The following RPL26L1 variants were observed in gnomAD, a reference collection of about 807,000 sequenced individuals.
The protein encoded by RPL26L1 is ribosomal protein uL24-like.
Under a neutral mutation model 15.2 loss-of-function variants are expected in RPL26L1, and 8 were observed. The observed-to-expected ratio is 0.53, with a 90% CI of 0.31 to 0.95. The LOEUF (loss-of-function observed/expected upper bound fraction) is 0.95, where lower values mean the gene tolerates loss of function less well. RPL26L1 is among the 40% of genes least tolerant of loss of function. The pLI is 0.05. For missense variants in RPL26L1, 146 were observed against 190.9 expected (o/e 0.76, Z 1.39); for synonymous variants, 51 against 65.9 (o/e 0.77, Z 1.09).
chr5:172,965,005 G>A (rs1309577068), intron 2 of RPL26L1, among the ~76,000 whole-genome samples: 1 of 152,176 alleles, frequency 6.6e-6, no homozygotes, highest in African/African-American at 2.4e-5. Flanking sequence ...CCAACATGGC[G>A]AAATTCCGTC....
chr5:172,967,198 C>T (rs1755490870), intron 2 of RPL26L1, among the ~76,000 whole-genome samples: 1 of 150,192 alleles, frequency 6.7e-6, no homozygotes, highest in Non-Finnish European at 1.5e-5. Context: ...GGCATGGTGG[C>T]TCACACCTGT....
At chr5:172,957,156 G>T (rs181260633), upstream of RPL26L1, 247 of 455,952 alleles carry the variant, frequency 5.4e-4, 6 homozygotes, top group East Asian at 0.01. Context: ...AGACTCACCA[G>T]ACACTTCCTC....
At chr5:172,959,506 T>C in intron 1 of RPL26L1, 38 bp downstream of exon 1, 1 of 1,075,974 alleles carries the variant, frequency 9.3e-7, no homozygotes, top group Non-Finnish European at 1.1e-6. Context: ...CAGTGAACTC[T>C]ACCGCCCCGT....
chr5:172,966,127 A>T (rs61613762), intron 2 of RPL26L1, among the ~76,000 whole-genome samples: 98,830 of 151,570 alleles, frequency 0.65, 36,045 homozygotes, highest in Non-Finnish European at 0.81. Flanking sequence ...CTTTTTAAAA[A>T]TTTTTTAAAT....
At position 172,968,803 on chromosome 5, in the gene RPL26L1, C is replaced by CTTTTTTTTTTTTTT. The variant is rs539398008; in HGVS notation, c.309+214_309+227dup. 4.0e-5 allele frequency among the ~76,000 whole-genome samples: 3 copies of CTTTTTTTTTTTTTT among 74,366 alleles called. 1 individual carries two copies. Among genetic ancestry groups the CTTTTTTTTTTTTTT allele is most frequent in the African/African-American group, 1.7e-4 (3 of 17,936 alleles). 48.8% of individuals were successfully genotyped at this position (74,366 alleles called of 152,430 possible). A position where few individuals can be genotyped will look rare whatever the true frequency, so the allele number is the denominator to read the frequency against. ...TTGCCTTTCTTGGTGATGGCTGTGT[C>CTTTTTTTTTTTTTT]TTTTTTTTTTTTTTTTTTTTTTTGA... On this transcript the variant is annotated intron_variant, in intron 3 of 3. Coordinates refer to ENST00000265100, the MANE Select transcript of RPL26L1 (RefSeq NM_016093.4).
chr5:172,959,897 C>T lies in RPL26L1; in HGVS notation c.24C>T (p.Thr8=), dbSNP rs758707479. Reference sequence around the variant, plus strand: ...CCATGAAGTTCAATCCCTTCGTTACCTCGGACCGCAGTAAAAACCGCAAAC... The same window carrying T: ...CCATGAAGTTCAATCCCTTCGTTACTTCGGACCGCAGTAAAAACCGCAAAC... MKFNPFV[T]SDRSKNRKRH... The change falls in exon 2 of 4, where the codon ACC becomes ACT. Residue 8 remains threonine, a synonymous_variant. Coordinates refer to ENST00000265100, the MANE Select transcript of RPL26L1 (RefSeq NM_016093.4). 1.9e-6 allele frequency: 3 copies of T among 1,614,140 alleles called. No homozygotes were observed. The highest frequency in any genetic ancestry group is 1.1e-5 in the South Asian group (1 of 91,080).
At chr5:172,958,161 G>A (rs1755044576), upstream of RPL26L1, 1 of 347,234 alleles carries the variant, frequency 2.9e-6, no homozygotes, top group Non-Finnish European at 5.7e-6. Flanking sequence ...ATACTGGGGA[G>A]GCTGAGGCAG....
chr5:172,964,281 CTTTTTTT>C, intron 2 of RPL26L1, among the ~76,000 whole-genome samples: 1 of 99,234 alleles, frequency 1.0e-5, no homozygotes, highest in East Asian at 2.9e-4. Flanking sequence ...GGCCTGTTGC[CTTTTTTT>C]TTTTTTTTTT....
chr5:172,967,150 G>A (rs957314665), intron 2 of RPL26L1, among the ~76,000 whole-genome samples: 6 of 149,192 alleles, frequency 4.0e-5, no homozygotes, highest in Non-Finnish European at 8.9e-5. Context: ...CACCGTGCCC[G>A]GCCCCCATGC....
upstream of RPL26L1, chr5:172,954,848 T>C (rs551215637): frequency 9.2e-6 from 4 of 433,396 alleles, no homozygotes; most frequent in South Asian, 6.4e-5. Flanking sequence ...TCTAACCAGA[T>C]GTGGATTACA....
chr5:172,958,817 C>G (rs952263532), upstream of RPL26L1: 91 of 72,188 alleles, frequency 1.3e-3, no homozygotes, highest in African/African-American at 2.8e-3. Context: ...CGCGGAGCGG[C>G]CGGAGTGGGC....
rs1755612507 is a variant in RPL26L1, at chr5:172,969,609, T to C, written c.*68T>C. Reference sequence around the variant, plus strand: ...GGCTAGGGTGTGTTTCTTTCGAACTTTTCGGAATGTCTGGAACATTTCATT... The same window carrying C: ...GGCTAGGGTGTGTTTCTTTCGAACTCTTCGGAATGTCTGGAACATTTCATT... On this transcript the variant is annotated 3_prime_UTR_variant, in exon 4 of 4. Coordinates refer to ENST00000265100, the MANE Select transcript of RPL26L1 (RefSeq NM_016093.4). 3 of 1,491,836 alleles carry C rather than the reference T, an allele frequency of 2.0e-6. No homozygotes were observed. The highest frequency in any genetic ancestry group is 2.7e-6 in the Non-Finnish European group (3 of 1,096,294). The allele number at this position is 1,491,836 out of a possible 1,614,324, so 92.4% of individuals were successfully genotyped here.
At chr5:172,962,465 G>T (rs541298778) in intron 2 of RPL26L1, among the ~76,000 whole-genome samples, 23 of 152,056 alleles carry the variant, frequency 1.5e-4, no homozygotes, top group African/African-American at 5.5e-4. Context: ...CCGAGATTGT[G>T]CCATTGCACT....
chr5:172,954,293 G>C (rs1448554540), upstream of RPL26L1, among the ~76,000 whole-genome samples: 1 of 152,166 alleles, frequency 6.6e-6, no homozygotes, highest in Non-Finnish European at 1.5e-5. Context: ...TGGGAGGCCG[G>C]ACGCGATGGT....
At chr5:172,966,686 G>A (rs1755466578) in intron 2 of RPL26L1, among the ~76,000 whole-genome samples, 1 of 152,126 alleles carries the variant, frequency 6.6e-6, no homozygotes, top group South Asian at 2.1e-4. Context: ...CTCTGGTCAT[G>A]TAGTCTGTGG....
Position 172,969,444 on chromosome 5 carries a change from A to G in RPL26L1, c.341A>G (p.Asp114Gly). The G allele has an allele frequency of 6.2e-7, 1 of 1,613,812 alleles. No homozygotes were observed. ...ATCACCAGGCTAAAACTGGACAAGG[A>G]TCGGAAAAAAATTCTTGAACGCAAA... ...VVITRLKLDK[D>G]RKKILERKAK... Residue 114 changes from aspartate to glycine, a missense_variant, in exon 4 of 4, where the codon GAT (aspartate) becomes GGT (glycine). Coordinates refer to ENST00000265100, the MANE Select transcript of RPL26L1 (RefSeq NM_016093.4).
At chr5:172,962,427 G>A (rs139543858) in intron 2 of RPL26L1, among the ~76,000 whole-genome samples, 6,104 of 152,184 alleles carry the variant, frequency 0.04, 426 homozygotes, top group African/African-American at 0.14. Flanking sequence ...ACAATCGCTT[G>A]AACCCGGGAG....
Position 172,968,477 on chromosome 5 carries a change from A to G in RPL26L1, c.187A>G (p.Lys63Glu), listed in dbSNP as rs1755555651. Residue 63 changes from lysine (K) to glutamate (E), a missense_variant, in exon 3 of 4, where the codon AAA becomes GAA. Physicochemically the swap from Lys to Glu is moderately conservative, Grantham distance 56 (BLOSUM62 1). Coordinates refer to ENST00000265100, the MANE Select transcript of RPL26L1 (RefSeq NM_016093.4). ...DEVQVVRGHY[K>E]GQQIGKVVQV... ...CTCTTAGGTAGTTCGAGGACACTAC[A>G]AAGGTCAGCAAATTGGCAAGGTAGT... 1.2e-6 allele frequency: 2 copies of G among 1,613,926 alleles called. No homozygotes were observed. The highest frequency in any genetic ancestry group is 1.1e-5 in the South Asian group (1 of 91,086).
chr5:172,968,146 A>G (rs756240471), intron 2 of RPL26L1, among the ~76,000 whole-genome samples: 30 of 152,090 alleles, frequency 2.0e-4, no homozygotes, highest in Non-Finnish European at 3.7e-4. Flanking sequence ...GGTCTCAAGC[A>G]TTTCGAATAA....
Sources: gnomAD v4.1 joint callset for allele counts (sites outside exome capture counted in the v4.1 genomes callset) on GRCh38, gnomAD v4.1.1 for gene constraint, MANE v1.5 for transcripts, NCBI Gene and HGNC (gene_info 2026-07-23, HGNC 2026-07-21) for gene names.